The following AMD1 variants were observed in gnomAD, a reference collection of about 807,000 sequenced individuals.
AMD1 encodes adenosylmethionine decarboxylase 1.
A neutral mutation model predicts 40.2 loss-of-function variants in AMD1; 11 were observed. The ratio of observed to expected loss-of-function variants is 0.27; its 90% CI spans 0.17 to 0.45. The LOEUF is 0.45. Ranked by LOEUF, AMD1 falls within the 20% of genes least tolerant of loss-of-function variation. AMD1 has a pLI of 1.00. For missense variants in AMD1, 257 were observed against 410.2 expected (o/e 0.63, Z 3.23); for synonymous variants, 121 against 130.8 (o/e 0.93, Z 0.51).
At chr6:110,890,442 A>G (rs1022891733) in intron 4 of AMD1, 86 bp downstream of exon 4, 1 of 958,704 alleles carries the variant, frequency 1.0e-6, no homozygotes, top group African/African-American at 1.7e-5. Flanking sequence ...GAGCATACTT[A>G]TGCATATATA....
At chr6:110,845,519 C>T in the AMD1 span, among the ~76,000 whole-genome samples, 1,965 of 152,224 alleles carry the variant, frequency 0.013, 31 homozygotes, top group Middle Eastern at 0.037. Context: ...AGTATATTAG[C>T]AATTCATGCA....
chr6:110,857,594 GTATA>G, the AMD1 span, among the ~76,000 whole-genome samples: 16 of 110,016 alleles, frequency 1.5e-4, 2 homozygotes, highest in Admixed American at 1.0e-3. Flanking sequence ...TATATAGATG[GTATA>G]TATATATATG....
chr6:110,886,584 C>T (rs187427701), intron 1 of AMD1, among the ~76,000 whole-genome samples: 3 of 152,300 alleles, frequency 2.0e-5, no homozygotes, highest in African/African-American at 7.2e-5. Flanking sequence ...GGATTACAGG[C>T]GTGAACCACC....
intron 6 of AMD1, 22 bp downstream of exon 6, chr6:110,892,465 T>C (rs1386252194): frequency 1.2e-6 from 2 of 1,611,216 alleles, no homozygotes; most frequent in East Asian, 2.2e-5. Context: ...TAGTAATAAT[T>C]GTTGCTGGAC....
At chr6:110,884,394 A>G (rs1785572945) in intron 1 of AMD1, among the ~76,000 whole-genome samples, 1 of 152,244 alleles carries the variant, frequency 6.6e-6, no homozygotes, top group Non-Finnish European at 1.5e-5. Flanking sequence ...TCAAGGTGAC[A>G]TGGACCAAGA....
chr6:110,887,604 A>G lies in AMD1; in HGVS notation c.197+13A>G. On this transcript the variant is annotated intron_variant, in intron 2 of 8. Transcript: ENST00000368885. ...CTTATGTACTCAGGTAAGTCCTGTAAAACAAGTGTTAGGTAGCTAATTTCA... is the reference window on the plus strand; with the variant it reads ...CTTATGTACTCAGGTAAGTCCTGTAGAACAAGTGTTAGGTAGCTAATTTCA... 1 of 1,578,102 alleles carries G rather than the reference A, an allele frequency of 6.3e-7. No homozygotes were observed. Among genetic ancestry groups the G allele is most frequent in the South Asian group, 1.2e-5 (1 of 85,574 alleles).
upstream of AMD1, among the ~76,000 whole-genome samples, chr6:110,870,409 G>C (rs75348668): frequency 0.019 from 2,894 of 152,286 alleles, 42 homozygotes; most frequent in Non-Finnish European, 0.03. Context: ...CAGATCATCA[G>C]TCCAGGAGTT....
At chr6:110,878,155 T>C (rs547819658) in intron 1 of AMD1, among the ~76,000 whole-genome samples, 2 of 152,310 alleles carry the variant, frequency 1.3e-5, no homozygotes, top group African/African-American at 2.4e-5. Context: ...ATATCCAACT[T>C]TTTTCACGCA....
At chr6:110,887,649 A>G (rs1785768971) in intron 2 of AMD1, 58 bp downstream of exon 2, 6 of 1,241,094 alleles carry the variant, frequency 4.8e-6, no homozygotes, top group Non-Finnish European at 6.8e-6. Flanking sequence ...ATAATGTGAA[A>G]CAGTTAAGTT....
the AMD1 span, among the ~76,000 whole-genome samples, chr6:110,849,406 C>T: frequency 2.0e-5 from 3 of 151,932 alleles, no homozygotes; most frequent in Admixed American, 2.0e-4. Context: ...ATGACAGAAA[C>T]CAAAATAAAA....
the AMD1 span, chr6:110,864,267 G>A: frequency 6.6e-6 from 1 of 152,554 alleles, no homozygotes; most frequent in Non-Finnish European, 1.5e-5. Context: ...ATTTTAAGAA[G>A]ATAAACATTA....
At chr6:110,824,117 C>A in the AMD1 span, among the ~76,000 whole-genome samples, 7 of 152,160 alleles carry the variant, frequency 4.6e-5, no homozygotes, top group Admixed American at 3.9e-4. Flanking sequence ...CACCTGCATG[C>A]CTATGTCTAT....
the AMD1 span, among the ~76,000 whole-genome samples, chr6:110,838,646 G>A: frequency 6.6e-6 from 1 of 151,962 alleles, no homozygotes; most frequent in South Asian, 2.1e-4. Context: ...GTCACCTGAG[G>A]TCAGGAGTTT....
At chr6:110,864,487 CA>C in the AMD1 span, 1 of 153,988 alleles carries the variant, frequency 6.5e-6, no homozygotes, top group Admixed American at 6.6e-5. Context: ...CCCAAAAGAC[CA>C]ATAAATTATA....
chr6:110,889,125 A>T, intron 3 of AMD1, 142 bp downstream of exon 3: 1 of 885,052 alleles, frequency 1.1e-6, no homozygotes, highest in South Asian at 2.6e-5. Flanking sequence ...ATACCTTAGG[A>T]AGAGATCTGA....
In AMD1 at chr6:110,888,961, A is replaced by G. The variant is rs1785859858; in HGVS notation, c.302A>G (p.Tyr101Cys). ...CCCCTGTTGAAGCTTGCTAGGGATT[A>G]CAGTGGGTTTGACTCAATTCAAGTA... ...LVPLLKLARD[Y>C]SGFDSIQSFF... Residue 101 changes from tyrosine to cysteine, a missense_variant, in exon 3 of 9, where the codon TAC becomes TGC. Transcript: ENST00000368885. 1.2e-6 allele frequency: 2 copies of G among 1,613,792 alleles called. No individual in the cohort carries two copies.
At chr6:110,840,813 G>A in the AMD1 span, among the ~76,000 whole-genome samples, 2 of 152,090 alleles carry the variant, frequency 1.3e-5, no homozygotes, top group Admixed American at 1.3e-4. Flanking sequence ...CAGGAGGGCA[G>A]AGAGATTCCA....
chr6:110,831,178 G>A, the AMD1 span, among the ~76,000 whole-genome samples: 4 of 151,754 alleles, frequency 2.6e-5, no homozygotes, highest in Admixed American at 6.6e-5. Flanking sequence ...AGTGGTTCAC[G>A]CCTGTAATCC....
chr6:110,844,870 G>T, the AMD1 span, among the ~76,000 whole-genome samples: 32 of 152,134 alleles, frequency 2.1e-4, no homozygotes, highest in Non-Finnish European at 3.1e-4. Context: ...TTGTCTCAAG[G>T]TTCTGCAGAC....
Sources: allele counts gnomAD v4.1 joint callset (sites outside exome capture counted in the v4.1 genomes callset), GRCh38; gene constraint gnomAD v4.1.1; transcripts MANE v1.5; gene names NCBI Gene and HGNC (gene_info 2026-07-23, HGNC 2026-07-21).